The following ASAH2 variants were observed in gnomAD, a reference collection of about 807,000 sequenced individuals.
The protein encoded by ASAH2 is N-acylsphingosine amidohydrolase 2.
ASAH2 carries 58 observed loss-of-function variants against 82.9 expected under a neutral mutation model. The ratio of observed to expected loss-of-function variants is 0.70; its 90% confidence interval spans 0.57 to 0.87. The LOEUF is 0.87. Among genes scored for constraint, ASAH2 ranks in the 40% least tolerant of loss-of-function variants. ASAH2 has a pLI of 0.00. For missense variants in ASAH2, 779 were observed against 834.0 expected, an observed-to-expected ratio of 0.93 and a Z score of 0.81; for synonymous variants, 276 against 289.7, an observed-to-expected ratio of 0.95 and a Z score of 0.48.
chr10:50,213,482 GA>G (rs1392269170), intron 9 of ASAH2, among the ~76,000 whole-genome samples: 26 of 151,976 alleles, frequency 1.7e-4, no homozygotes, highest in Non-Finnish European at 2.8e-4. Context: ...GACTTCTGGG[GA>G]AAAAAATCAA....
chr10:50,245,471 G>T lies in ASAH2; in HGVS notation c.128-17C>A, dbSNP rs1439583166. 2.5e-6 allele frequency: 4 copies of T among 1,596,010 alleles called. No individual in the cohort carries two copies. The African/African-American group carries it at 5.4e-5, about 21-fold the overall frequency. ...CTCCTAAATCTAAAACAGAATAAGA[G>T]ATTTGAGAAACAACATTTCAGCCCT... On this transcript the variant is annotated splice_polypyrimidine_tract_variant and intron_variant, in intron 2 of 20. Transcript: ENST00000682911.
rs1350894423 is a variant in ASAH2, at chr10:50,199,041, A to G, written c.1857+10T>C. ...ACGCGCGCATGCACGCACAAACAAT[A>G]TTTGATTACCGTAGCAATAGCCTTA... On this transcript the variant is annotated intron_variant, in intron 17 of 20. Transcript: ENST00000682911. The G allele has an allele frequency of 1.9e-6, 3 of 1,612,812 alleles. No homozygotes were observed. The highest frequency in any genetic ancestry group is 1.3e-5 in the African/African-American group (1 of 74,870).
chr10:50,209,184 C>G (rs1845387427), intron 12 of ASAH2, among the ~76,000 whole-genome samples: 1 of 151,970 alleles, frequency 6.6e-6, no homozygotes, highest in Non-Finnish European at 1.5e-5. Flanking sequence ...CCATAAAAAT[C>G]TTATAAGAAA....
chr10:50,208,989 G>A (rs1845383485), intron 12 of ASAH2, among the ~76,000 whole-genome samples: 1 of 152,156 alleles, frequency 6.6e-6, no homozygotes, highest in African/African-American at 2.4e-5. Flanking sequence ...CAGACATAAA[G>A]CCATGTGTCA....
At chr10:50,232,146 G>C (rs1846035712) in intron 7 of ASAH2, among the ~76,000 whole-genome samples, 1 of 152,110 alleles carries the variant, frequency 6.6e-6, no homozygotes, top group African/African-American at 2.4e-5. Flanking sequence ...TGTGTGAACT[G>C]TGAATCATAG....
intron 1 of ASAH2, among the ~76,000 whole-genome samples, chr10:50,249,987 A>G (rs1846574979): frequency 6.6e-6 from 1 of 152,204 alleles, no homozygotes; most frequent in Non-Finnish European, 1.5e-5. Context: ...TCAATTTTTT[A>G]TTCAATTTGA....
chr10:50,201,556 G>T (rs1425604674), intron 16 of ASAH2, among the ~76,000 whole-genome samples: 1 of 152,060 alleles, frequency 6.6e-6, no homozygotes, highest in Non-Finnish European at 1.5e-5. Flanking sequence ...CACCCCTGTT[G>T]CACATACTGC....
chr10:50,250,891 T>A (rs1309306603), intron 1 of ASAH2, among the ~76,000 whole-genome samples: 1 of 152,244 alleles, frequency 6.6e-6, no homozygotes, highest in Non-Finnish European at 1.5e-5. Flanking sequence ...CCTCATGTGT[T>A]TCATCATTCT....
At chr10:50,234,277 T>G (rs1846090118) in intron 6 of ASAH2, 148 bp downstream of exon 6, 1 of 1,152,552 alleles carries the variant, frequency 8.7e-7, no homozygotes, top group Non-Finnish European at 1.3e-6. Context: ...TCTGCTTGTT[T>G]TAGATTACAC....
rs1353408873 is a variant in ASAH2, at chr10:50,205,962, T to C, written c.1530+20A>G. On this transcript the variant is annotated intron_variant, in intron 13 of 20. Coordinates refer to ENST00000682911, the MANE Select transcript of ASAH2 (RefSeq NM_019893.4). ...AAATAACAATATGCTAATTTCACTA[T>C]GATAACGAAAATGCATTACTTCTCC... 10 of 1,557,938 alleles carry C rather than the reference T, an allele frequency of 6.4e-6. No individual in the cohort carries two copies. Among genetic ancestry groups the C allele is most frequent in the Middle Eastern group, 1.7e-4 (1 of 5,962 alleles).
At chr10:50,245,192 G>T in intron 3 of ASAH2, 30 bp downstream of exon 3, 1 of 1,506,822 alleles carries the variant, frequency 6.6e-7, no homozygotes, top group Non-Finnish European at 9.2e-7. Flanking sequence ...TTGTTTCACA[G>T]TCTCCTTAAG....
chr10:50,238,185 TG>T lies in ASAH2; in HGVS notation c.511-2122del, dbSNP rs1463030924. On this transcript the variant is annotated intron_variant, in intron 4 of 20. Coordinates refer to ENST00000682911, the MANE Select transcript of ASAH2 (RefSeq NM_019893.4). Reference sequence around the variant, plus strand: ...ACAATGTTTCTGAATATTTACAAATTGGTTCTTATGAGCTTGTGCAAGCTAG... The same window carrying T: ...ACAATGTTTCTGAATATTTACAAATTGTTCTTATGAGCTTGTGCAAGCTAG... 2.0e-5 allele frequency among the ~76,000 whole-genome samples: 3 copies of T among 152,170 alleles called. No homozygotes were observed. The East Asian group carries it at 5.8e-4, about 29-fold the overall frequency.
At chr10:50,194,758 G>A (rs2813334) in intron 18 of ASAH2, among the ~76,000 whole-genome samples, 2 of 150,976 alleles carry the variant, frequency 1.3e-5, no homozygotes, top group South Asian at 2.1e-4. Context: ...AAATAAGCCC[G>A]CACATTTATG....
At chr10:50,195,608 G>A (rs113554730) in intron 18 of ASAH2, among the ~76,000 whole-genome samples, 3 of 151,578 alleles carry the variant, frequency 2.0e-5, no homozygotes, top group Non-Finnish European at 4.4e-5. Flanking sequence ...GTTTATTGCA[G>A]CACTGTTCAC....
intron 8 of ASAH2, among the ~76,000 whole-genome samples, chr10:50,216,733 T>C (rs1001627945): frequency 6.6e-6 from 1 of 152,294 alleles, no homozygotes; most frequent in South Asian, 2.1e-4. Context: ...CCAACCACTC[T>C]ACCATTCTAC....
At chr10:50,227,282 C>CA (rs1439591316) in intron 7 of ASAH2, among the ~76,000 whole-genome samples, 8 of 151,194 alleles carry the variant, frequency 5.3e-5, no homozygotes, top group South Asian at 2.1e-4. Context: ...GACTTTAAGA[C>CA]AAAAAAAACA....
chr10:50,242,875 A>T lies in ASAH2; in HGVS notation c.510+327T>A, dbSNP rs369363775. Among the ~76,000 whole-genome samples the T allele has an allele frequency of 8.5e-5, 13 of 152,282 alleles. No individual in the cohort carries two copies. In the East Asian group the frequency reaches 1.4e-3, roughly 16 times the overall value. The stretch of plus-strand genomic sequence containing the variant: ...TTAGTGATTAATGGGTGCTCTCCCA[A>T]CTTCTAACAAGGAGGATTAAATAAG... On this transcript the variant is annotated intron_variant, in intron 4 of 20. Coordinates refer to ENST00000682911, the MANE Select transcript of ASAH2 (RefSeq NM_019893.4).
At chr10:50,227,228 T>C (rs1352971313) in intron 7 of ASAH2, among the ~76,000 whole-genome samples, 1 of 152,008 alleles carries the variant, frequency 6.6e-6, no homozygotes, top group African/African-American at 2.4e-5. Context: ...GATAGAAAAA[T>C]ATACATGGCA....
At chr10:50,197,230 C>G (rs1410312748) in intron 17 of ASAH2, among the ~76,000 whole-genome samples, 1 of 151,848 alleles carries the variant, frequency 6.6e-6, no homozygotes, top group African/African-American at 2.4e-5. Flanking sequence ...TGACTTTGTA[C>G]AGGGGCCTAA....
Sources: gnomAD v4.1 joint callset for allele counts (sites outside exome capture counted in the v4.1 genomes callset) on GRCh38, gnomAD v4.1.1 for gene constraint, MANE v1.5 for transcripts, NCBI Gene and HGNC (gene_info 2026-07-23, HGNC 2026-07-21) for gene names.